The following RELCH variants were observed in gnomAD, a reference collection of about 807,000 sequenced individuals.
RELCH encodes the protein RAB11 binding and LisH domain, coiled-coil and HEAT repeat containing.
In RELCH, 41 loss-of-function variants were observed where a neutral mutation model predicts 150.3. That is an observed-to-expected ratio of 0.27 (90% CI 0.21 to 0.35). RELCH has a LOEUF of 0.35. Among genes scored for constraint, RELCH ranks in the 10% least tolerant of loss-of-function variants. The pLI is 1.00. For synonymous variants in RELCH, 478 were observed against 531.8 expected (o/e 0.90, Z 1.39); for missense variants, 1,092 against 1,467.8 (o/e 0.74, Z 4.18).
At position 62,244,781 on chromosome 18, in the gene RELCH, A is replaced by T. The variant is rs757233692; in HGVS notation, c.1638A>T (p.Ile546=). Residue 546 remains isoleucine, a synonymous_variant, in exon 11 of 29, where the codon ATA becomes ATT. Transcript: ENST00000644646. ...TTCTTTAGGAGTTGATCCCCCTCAT[A>T]TTGTGTACAGCATGTCTACATCCTG... ...LAKREELIPL[I]LCTACLHPEP... 6.2e-7 allele frequency: 1 copy of T among 1,611,512 alleles called. No individual in the cohort carries two copies.
At chr18:62,189,433 A>T (rs902623802) in intron 1 of RELCH, among the ~76,000 whole-genome samples, 2 of 151,930 alleles carry the variant, frequency 1.3e-5, no homozygotes, top group Admixed American at 6.6e-5. Context: ...TCAAACCTCC[A>T]TCATAGCCTT....
chr18:62,250,758 C>A (rs2042661684), intron 11 of RELCH, among the ~76,000 whole-genome samples: 1 of 152,104 alleles, frequency 6.6e-6, no homozygotes. Context: ...ACTAATCTGA[C>A]CAAACCAAAT....
intron 25 of RELCH, among the ~76,000 whole-genome samples, chr18:62,283,367 T>C (rs2044622501): frequency 6.6e-6 from 1 of 152,222 alleles, no homozygotes; most frequent in Admixed American, 6.5e-5. Flanking sequence ...TAAGAACTTA[T>C]GACTCCAAAA....
intron 16 of RELCH, among the ~76,000 whole-genome samples, chr18:62,263,548 C>T (rs527270342): frequency 3.3e-4 from 50 of 151,476 alleles, no homozygotes; most frequent in Non-Finnish European, 6.6e-4. Context: ...TCTATATGTC[C>T]GTTTATATAT....
chr18:62,293,037 G>T (rs771734111), intron 27 of RELCH, among the ~76,000 whole-genome samples: 2 of 151,902 alleles, frequency 1.3e-5, no homozygotes, highest in African/African-American at 4.8e-5. Flanking sequence ...TTCATCCTGC[G>T]CCCTTTCTCC....
rs765288194 is a variant in RELCH, at chr18:62,227,643, A to C, written c.1108A>C (p.Asn370His). Residue 370 changes from asparagine (N) to histidine (H), a missense_variant, in exon 7 of 29, where the codon AAT (asparagine) becomes CAT (histidine). By Grantham distance (68) the Asn-to-His change is moderately conservative. Around this residue, in one of 4 missense-constraint regions of RELCH, gnomAD observed 707 missense variants for 1,025.4 expected, o/e 0.69. Transcript: ENST00000644646. ...ATTAGAAGATAAAATTAGTTTGTTA[A>C]ATAGTGAGAAATGGTCATTGATGGA... is the stretch of plus-strand genomic sequence containing the variant. The part of the protein sequence containing the change: ...QKLEDKISLL[N>H]SEKWSLMEQI... 2.5e-6 allele frequency: 4 copies of C among 1,568,758 alleles called. No homozygotes were observed. The highest frequency in any genetic ancestry group is 3.5e-6 in the Non-Finnish European group (4 of 1,144,794).
chr18:62,188,890 T>A (rs906792290), intron 1 of RELCH, among the ~76,000 whole-genome samples: 1 of 152,236 alleles, frequency 6.6e-6, no homozygotes, highest in African/African-American at 2.4e-5. Context: ...AATATTCCCT[T>A]ACTAATGTAT....
intron 1 of RELCH, among the ~76,000 whole-genome samples, chr18:62,200,633 G>A (rs2039369484): frequency 6.6e-6 from 1 of 151,180 alleles, no homozygotes; most frequent in African/African-American, 2.4e-5. Context: ...TTTCTATTCT[G>A]GTGTATCATG....
intron 10 of RELCH, among the ~76,000 whole-genome samples, chr18:62,237,012 A>G (rs535165694): frequency 4.0e-5 from 6 of 151,492 alleles, no homozygotes; most frequent in African/African-American, 1.2e-4. Flanking sequence ...ATTCATCTCA[A>G]TGTTTTCTCA....
At chr18:62,234,670 A>G (rs537715932) in intron 10 of RELCH, among the ~76,000 whole-genome samples, 1 of 152,130 alleles carries the variant, frequency 6.6e-6, no homozygotes, top group African/African-American at 2.4e-5. Context: ...AAAAAAATGT[A>G]CAATGAAAAT....
rs746596692 is a variant in RELCH at position 62,244,871 on chromosome 18, G to A, written c.1728G>A (p.Glu576=). The A allele has an allele frequency of 1.2e-5, 19 of 1,592,730 alleles. No individual in the cohort carries two copies. Among genetic ancestry groups the A allele is most frequent in the Admixed American group, 1.0e-4 (6 of 59,950 alleles). Residue 576 remains glutamate, a synonymous_variant, in exon 11 of 29, where the codon GAG becomes GAA. Transcript: ENST00000644646. ...ATTTGATCAAGAGGCCAGATGATGA[G>A]CAAAGGTGGGTATGATTACATATGT... ...LFNLIKRPDD[E]QRQMILTGCV...
At chr18:62,283,968 C>T (rs2044658853) in intron 25 of RELCH, among the ~76,000 whole-genome samples, 1 of 152,070 alleles carries the variant, frequency 6.6e-6, no homozygotes. Flanking sequence ...TGGGTCCTTG[C>T]TGTGTGCCGT....
Position 62,262,519 on chromosome 18 carries a change from A to G in RELCH, c.2350+861A>G, listed in dbSNP as rs190661972. Reference sequence around the variant, plus strand: ...GATGCAGTGTGTCCAAAGATACATGAAGCCACATGATAAAAATAGTGTATA... The same window carrying G: ...GATGCAGTGTGTCCAAAGATACATGGAGCCACATGATAAAAATAGTGTATA... On this transcript the variant is annotated intron_variant, in intron 16 of 28. Coordinates refer to ENST00000644646, the MANE Select transcript of RELCH (RefSeq NM_001346231.2). 9.9e-4 allele frequency among the ~76,000 whole-genome samples: 151 copies of G among 152,200 alleles called. 1 individual carries two copies. The highest frequency in any genetic ancestry group is 3.5e-3 in the African/African-American group (147 of 41,550).
In RELCH at chr18:62,188,000, A is replaced by G; in HGVS notation, c.495A>G (p.Glu165=). ...AAGVGGAGGR[E]PSTASGGGQL... ...GCGTTGGGGGCGCTGGAGGTCGGGA[A>G]CCGAGTACAGCGTCGGGCGGGGGAC... The change falls in exon 1 of 29, where the codon GAA becomes GAG. Residue 165 remains glutamate, a synonymous_variant. Transcript: ENST00000644646. 1 of 1,594,098 alleles carries G rather than the reference A, an allele frequency of 6.3e-7. No homozygotes were observed. Among genetic ancestry groups the G allele is most frequent in the Non-Finnish European group, 8.5e-7 (1 of 1,170,616 alleles).
chr18:62,282,731 C>G (rs1357677846), intron 25 of RELCH, among the ~76,000 whole-genome samples: 1 of 152,196 alleles, frequency 6.6e-6, no homozygotes, highest in Non-Finnish European at 1.5e-5. Flanking sequence ...GATCTCAGCT[C>G]ACTGCAACCT....
rs1337261223 is a variant in RELCH, at chr18:62,309,304, T to G, written c.*3770T>G. 4.6e-5 allele frequency: 7 copies of G among 152,130 alleles called. No individual in the cohort carries two copies. Among genetic ancestry groups the G allele is most frequent in the Non-Finnish European group, 8.8e-5 (6 of 68,030 alleles). 9.4% of individuals were successfully genotyped at this position (152,130 alleles called of 1,614,324 possible). A position where few individuals can be genotyped will look rare whatever the true frequency, so the allele number is the denominator to read the frequency against. ...ATGTATCAGGTAAGTTTCTGCATAT[T>G]GGTAAAAAAATTGAATTTTAGACAA... On this transcript the variant is annotated 3_prime_UTR_variant, in exon 29 of 29. Transcript: ENST00000644646.
chr18:62,303,189 T>C (rs992844548), intron 28 of RELCH, among the ~76,000 whole-genome samples: 2 of 152,044 alleles, frequency 1.3e-5, no homozygotes, highest in Non-Finnish European at 2.9e-5. Context: ...CTGAAAAGCT[T>C]TGTAGTATAG....
chr18:62,285,273 G>T (rs2044732066), intron 25 of RELCH, among the ~76,000 whole-genome samples: 1 of 152,094 alleles, frequency 6.6e-6, no homozygotes, highest in Admixed American at 6.5e-5. Context: ...GAGTAGCTGG[G>T]ATTACAGGCA....
intron 22 of RELCH, among the ~76,000 whole-genome samples, chr18:62,277,377 G>A (rs1250882228): frequency 1.3e-5 from 2 of 152,052 alleles, no homozygotes; most frequent in Non-Finnish European, 2.9e-5. Flanking sequence ...ACATTTCAAT[G>A]AGCATGTCAG....
Sources: gnomAD v4.1 joint callset for allele counts (sites outside exome capture counted in the v4.1 genomes callset) on GRCh38, gnomAD v4.1.1 for gene constraint, gnomAD v4.1.1 regional missense constraint, MANE v1.5 for transcripts, NCBI Gene and HGNC (gene_info 2026-07-23, HGNC 2026-07-21) for gene names.